The following NCK1 variants were observed in gnomAD, a reference collection of about 807,000 sequenced individuals.
NCK1 encodes NCK adaptor protein 1, also known as SH2/SH3 adapter protein NCK1.
NCK1 carries 19 observed loss-of-function variants against 36.6 expected under a neutral mutation model. That is an observed-to-expected ratio of 0.52 (90% CI 0.36 to 0.76). NCK1 has a LOEUF of 0.76. Among genes scored for constraint, NCK1 ranks in the 30% least tolerant of loss-of-function variants. The pLI, the probability that NCK1 is intolerant of heterozygous loss-of-function variation, is 0.00. For synonymous variants in NCK1, 165 were observed against 156.0 expected (o/e 1.06, Z -0.43); for missense variants, 358 against 445.6 (o/e 0.80, Z 1.77).
intron 1 of NCK1, among the ~76,000 whole-genome samples, chr3:136,866,664 A>C (rs1397179276): frequency 3.4e-5 from 5 of 146,890 alleles, no homozygotes; most frequent in Non-Finnish European, 7.4e-5. Flanking sequence ...CCCAGGCTGG[A>C]GTGCAGTGGC....
intron 1 of NCK1, among the ~76,000 whole-genome samples, chr3:136,895,864 CTG>C: frequency 6.6e-6 from 1 of 152,298 alleles, no homozygotes; most frequent in Middle Eastern, 3.4e-3. Flanking sequence ...CATGCCCAGT[CTG>C]TATGTTATTT....
chr3:136,863,250 C>T (rs1356374654), intron 1 of NCK1, among the ~76,000 whole-genome samples: 1 of 152,130 alleles, frequency 6.6e-6, no homozygotes, highest in Non-Finnish European at 1.5e-5. Flanking sequence ...CAAAGCAGCT[C>T]AATGTCCTCC....
At chr3:136,869,261 G>C (rs930329172) in intron 1 of NCK1, among the ~76,000 whole-genome samples, 8 of 149,730 alleles carry the variant, frequency 5.3e-5, no homozygotes, top group African/African-American at 2.0e-4. Flanking sequence ...AATTTTATTT[G>C]TTCCGCTAGG....
chr3:136,932,109 A>C (rs1302534140), intron 2 of NCK1, among the ~76,000 whole-genome samples: 2 of 142,558 alleles, frequency 1.4e-5, no homozygotes, highest in Admixed American at 7.4e-5. Context: ...ACAGAGCGAG[A>C]CTCCATCTCA....
chr3:136,917,232 C>CTTTTTTT (rs11455373), intron 1 of NCK1, among the ~76,000 whole-genome samples: 1 of 139,210 alleles, frequency 7.2e-6, no homozygotes, highest in East Asian at 2.1e-4. Context: ...ACATTATGAG[C>CTTTTTTT]TTTTTTTTTT....
rs115807813 is a variant in NCK1 at position 136,880,321 on chromosome 3, G to A, written c.-19+17968G>A. Among the ~76,000 whole-genome samples, 454 of 152,130 alleles carry A rather than the reference G, an allele frequency of 3.0e-3. 2 individuals are homozygous for A. Among genetic ancestry groups the A allele is most frequent in the African/African-American group, 9.5e-3 (395 of 41,522 alleles). ...AAGAATGTGACCTTATTTCGAAGTG[G>A]GGTCTTTACAGAGGTAAACAAGTTA... On this transcript the variant is annotated intron_variant, in intron 1 of 3. Transcript: ENST00000481752.
chr3:136,933,218 A>G (rs1448221568), intron 2 of NCK1, among the ~76,000 whole-genome samples: 2 of 152,202 alleles, frequency 1.3e-5, no homozygotes, highest in East Asian at 1.9e-4. Flanking sequence ...AGGTGGAGGT[A>G]TGCTCCCTTA....
At chr3:136,908,527 C>G (rs1286096624) in intron 1 of NCK1, among the ~76,000 whole-genome samples, 1 of 152,170 alleles carries the variant, frequency 6.6e-6, no homozygotes, top group Non-Finnish European at 1.5e-5. Context: ...ATAAGATCAT[C>G]AGGGCTGAAA....
intron 2 of NCK1, among the ~76,000 whole-genome samples, chr3:136,936,128 C>T (rs1322668055): frequency 1.3e-5 from 2 of 151,526 alleles, no homozygotes; most frequent in African/African-American, 2.4e-5. Flanking sequence ...GCAACCTCTG[C>T]CTCTTGGGTT....
rs144192229 is a variant in NCK1 at position 136,868,040 on chromosome 3, C to G, written c.-19+5687C>G. 2.9e-3 allele frequency among the ~76,000 whole-genome samples: 434 copies of G among 152,166 alleles called. 3 individuals are homozygous for G. The highest frequency in any genetic ancestry group is 1.0e-2 in the African/African-American group (415 of 41,502). ...TCAAGCAATTCTCTTGCCTCAGCCT[C>G]CTGAGGAGCTGGGATCACAGGCACC... On this transcript the variant is annotated intron_variant, in intron 1 of 3. Coordinates refer to ENST00000481752, the MANE Select transcript of NCK1 (RefSeq NM_001291999.2).
At chr3:136,866,092 ACT>A (rs1348928228) in intron 1 of NCK1, among the ~76,000 whole-genome samples, 2 of 152,128 alleles carry the variant, frequency 1.3e-5, no homozygotes, top group African/African-American at 2.4e-5. Context: ...ACCAGTGATA[ACT>A]CTCTGTTATC....
chr3:136,942,728 C>G (rs1940709536), intron 2 of NCK1, among the ~76,000 whole-genome samples: 1 of 152,172 alleles, frequency 6.6e-6, no homozygotes, highest in South Asian at 2.1e-4. Flanking sequence ...CTTATTACCC[C>G]ATGTATATTC....
chr3:136,883,236 G>A (rs1425732594), intron 1 of NCK1, among the ~76,000 whole-genome samples: 2 of 152,086 alleles, frequency 1.3e-5, no homozygotes, highest in African/African-American at 2.4e-5. Context: ...CTTATTACAT[G>A]TAGAATAAAA....
At chr3:136,906,825 A>T (rs1005285461) in intron 1 of NCK1, among the ~76,000 whole-genome samples, 1 of 151,948 alleles carries the variant, frequency 6.6e-6, no homozygotes, top group Non-Finnish European at 1.5e-5. Context: ...CCAATCTCAG[A>T]CCCTGGGAGG....
chr3:136,930,425 C>T, intron 2 of NCK1: 2 of 1,229,872 alleles, frequency 1.6e-6, no homozygotes, highest in Non-Finnish European at 2.0e-6. Context: ...GAAAAATTTT[C>T]TATTGCCTGG....
chr3:136,870,492 A>G (rs980233249), intron 1 of NCK1, among the ~76,000 whole-genome samples: 6 of 152,000 alleles, frequency 3.9e-5, no homozygotes, highest in Admixed American at 1.3e-4. Flanking sequence ...GAAATATTTT[A>G]TAAATTTAAT....
intron 1 of NCK1, chr3:136,899,471 T>G (rs1208101446): frequency 5.7e-6 from 2 of 350,096 alleles, no homozygotes; most frequent in South Asian, 3.7e-5. Context: ...TAGAGGAGTC[T>G]TTGTCATTAT....
At chr3:136,887,319 C>T (rs114031271) in intron 1 of NCK1, among the ~76,000 whole-genome samples, 1,532 of 152,218 alleles carry the variant, frequency 0.01, 29 homozygotes, top group African/African-American at 0.035. Context: ...AGGAGTGCAC[C>T]GCCATGCTCA....
At position 136,906,652 on chromosome 3, in the gene NCK1, G is replaced by A. The variant is rs571565419; in HGVS notation, c.-18-21332G>A. On this transcript the variant is annotated intron_variant, in intron 1 of 3. Transcript: ENST00000481752. ...TAAACCTCTGTGCAGTGGGCATGGT[G>A]TGGATGATGGCAGTAGCAGTGGTGG... is the stretch of plus-strand genomic sequence containing the variant. 7.2e-5 allele frequency among the ~76,000 whole-genome samples: 11 copies of A among 152,302 alleles called. No individual in the cohort carries two copies. The East Asian group carries it at 2.1e-3, about 29-fold the overall frequency.
Sources: gnomAD v4.1 joint callset for allele counts (sites outside exome capture counted in the v4.1 genomes callset) on GRCh38, gnomAD v4.1.1 for gene constraint, MANE v1.5 for transcripts, NCBI Gene and HGNC (gene_info 2026-07-23, HGNC 2026-07-21) for gene names.